DNA2: variants seen among roughly 807,000 people sequenced by gnomAD.
DNA2 encodes the protein DNA replication helicase/nuclease 2.
In DNA2, 101 loss-of-function variants were observed where a neutral mutation model predicts 119.1. The ratio of observed to expected loss-of-function variants is 0.85; its 90% confidence interval spans 0.72 to 1.00. The LOEUF (loss-of-function observed/expected upper bound fraction) is 1.00. Ranked by LOEUF, DNA2 falls within the 50% of genes least tolerant of loss-of-function variation. DNA2 has a pLI of 0.00. For synonymous variants in DNA2, 366 were observed against 424.4 expected (o/e 0.86, Z 1.69); for missense variants, 1,121 against 1,255.5 (o/e 0.89, Z 1.62).
chr10:68,419,100 G>A lies in DNA2; in HGVS notation c.2901C>T (p.Asp967=). 1 of 1,613,046 alleles carries A rather than the reference G, an allele frequency of 6.2e-7. No individual in the cohort carries two copies. Among genetic ancestry groups the A allele is most frequent in the African/African-American group, 1.3e-5 (1 of 74,952 alleles). ...SIGMVEVNTV[D]KYQGRDKSIV... is the part of the protein sequence containing the mutation. Reference sequence around the variant, plus strand: ...TACTTTTGTCCCTTCCTTGGTATTTGTCTACTGTATTAACTTCGACCATCC... The same window carrying A: ...TACTTTTGTCCCTTCCTTGGTATTTATCTACTGTATTAACTTCGACCATCC... Residue 967 remains aspartate (D), a synonymous_variant, in exon 19 of 21, where the codon GAC becomes GAT. Transcript: ENST00000358410.
chr10:68,462,045 T>C (rs928587074), intron 4 of DNA2, among the ~76,000 whole-genome samples: 2 of 152,336 alleles, frequency 1.3e-5, no homozygotes, highest in Non-Finnish European at 1.5e-5. Context: ...TAAAATGTTA[T>C]GTTAACAAGC....
chr10:68,460,903 CTG>C (rs199836886), intron 4 of DNA2, among the ~76,000 whole-genome samples: 75 of 136,200 alleles, frequency 5.5e-4, no homozygotes, highest in African/African-American at 2.3e-3. Flanking sequence ...GAGTGAGACC[CTG>C]TTTAAAAAAA....
chr10:68,428,198 G>C (rs959767033), intron 14 of DNA2, among the ~76,000 whole-genome samples: 1 of 151,132 alleles, frequency 6.6e-6, no homozygotes, highest in African/African-American at 2.4e-5. Flanking sequence ...GTGGTGGCAG[G>C]CGCCTGTAGT....
intron 4 of DNA2, among the ~76,000 whole-genome samples, chr10:68,463,821 T>C (rs2052292455): frequency 6.6e-6 from 1 of 152,210 alleles, no homozygotes; most frequent in Non-Finnish European, 1.5e-5. Context: ...AAGCTGTTAC[T>C]TTCCTAGGTT....
At position 68,464,854 on chromosome 10, in the gene DNA2, A is replaced by C. The variant is rs1386094857; in HGVS notation, c.587+813T>G. 6.3e-5 allele frequency among the ~76,000 whole-genome samples: 9 copies of C among 143,742 alleles called. No homozygotes were observed. The South Asian group carries it at 9.0e-4, about 14-fold the overall frequency. The allele number at this position is 143,742 out of a possible 152,430, so 94.3% of individuals were successfully genotyped here. A position where few individuals can be genotyped will look rare whatever the true frequency, so the allele number is the denominator to read the frequency against. ...CAAAAAAAAAAAAAAAAAAAAAAAA[A>C]AAAACTGGTAAGGCAGGCCAGCCAT... On this transcript the variant is annotated intron_variant, in intron 4 of 20. Coordinates refer to ENST00000358410, the MANE Select transcript of DNA2 (RefSeq NM_001080449.3).
At chr10:68,423,163 T>C (rs1389423163) in intron 14 of DNA2, among the ~76,000 whole-genome samples, 1 of 151,066 alleles carries the variant, frequency 6.6e-6, no homozygotes, top group African/African-American at 2.5e-5. Context: ...GGTAATAAGT[T>C]AGTTCTTTTT....
intron 4 of DNA2, among the ~76,000 whole-genome samples, chr10:68,463,337 G>A (rs1181833671): frequency 4.0e-5 from 6 of 149,708 alleles, no homozygotes; most frequent in Non-Finnish European, 8.9e-5. Context: ...CCAGCTACTC[G>A]GGAGGCTGAG....
intron 20 of DNA2, among the ~76,000 whole-genome samples, chr10:68,415,756 C>A (rs1203601911): frequency 6.6e-6 from 1 of 151,210 alleles, no homozygotes; most frequent in Non-Finnish European, 1.5e-5. Context: ...CGGGTGCAAG[C>A]GATTCTCCTG....
At chr10:68,460,035 ACAC>A (rs1464548040) in intron 4 of DNA2, among the ~76,000 whole-genome samples, 5 of 150,626 alleles carry the variant, frequency 3.3e-5, no homozygotes, top group African/African-American at 1.2e-4. Flanking sequence ...ACAAATACAC[ACAC>A]ACACACACAC....
At chr10:68,425,636 C>T (rs532752684) in intron 14 of DNA2, among the ~76,000 whole-genome samples, 5 of 151,918 alleles carry the variant, frequency 3.3e-5, no homozygotes, top group African/African-American at 7.2e-5. Context: ...CTCCTGACCT[C>T]GTGATCCGCC....
chr10:68,465,222 G>C (rs2052313271), intron 4 of DNA2, among the ~76,000 whole-genome samples: 1 of 128,986 alleles, frequency 7.8e-6, no homozygotes, highest in Non-Finnish European at 1.6e-5. Flanking sequence ...GTTTCACCAT[G>C]TTAGCCAGGA....
At chr10:68,448,980 T>TGTGTGTGTGC (rs1554907491) in intron 6 of DNA2, among the ~76,000 whole-genome samples, 4 of 142,116 alleles carry the variant, frequency 2.8e-5, no homozygotes, top group African/African-American at 6.0e-5. Flanking sequence ...TGTGTGTGTG[T>TGTGTGTGTGC]GTGTGTAGTA....
At chr10:68,433,902 A>G (rs956164478) in intron 10 of DNA2, among the ~76,000 whole-genome samples, 5 of 152,206 alleles carry the variant, frequency 3.3e-5, no homozygotes, top group Non-Finnish European at 1.5e-5. Context: ...TTTGCCCAGT[A>G]TAGTATTCTC....
chr10:68,461,689 A>G (rs1013782668), intron 4 of DNA2, among the ~76,000 whole-genome samples: 4 of 151,942 alleles, frequency 2.6e-5, no homozygotes, highest in South Asian at 2.1e-4. Context: ...TTAGCCAGGC[A>G]TGGTGGTGCA....
chr10:68,436,706 C>T (rs1482634599), intron 10 of DNA2: 7 of 208,536 alleles, frequency 3.4e-5, no homozygotes. Flanking sequence ...CCACATATTG[C>T]ATGATTCCAT....
At chr10:68,464,108 C>A (rs2052295752) in intron 4 of DNA2, among the ~76,000 whole-genome samples, 1 of 152,162 alleles carries the variant, frequency 6.6e-6, no homozygotes, top group African/African-American at 2.4e-5. Context: ...CAGGCAGTTT[C>A]CAGTTGATTA....
In DNA2 at chr10:68,456,950, C is replaced by T. The variant is rs185573559; in HGVS notation, c.719+2154G>A. Among the ~76,000 whole-genome samples, 937 of 151,436 alleles carry T rather than the reference C, an allele frequency of 6.2e-3. 12 individuals are homozygous for T. Among genetic ancestry groups the T allele is most frequent in the East Asian group, 0.047 (236 of 5,074 alleles). On this transcript the variant is annotated intron_variant, in intron 5 of 20. Coordinates refer to ENST00000358410, the MANE Select transcript of DNA2 (RefSeq NM_001080449.3). ...GAGATCGAGACCATCCTGGCTAACACGGTGAAACCCCGGCTCTACTAAAAA... is the reference window on the plus strand; with the variant it reads ...GAGATCGAGACCATCCTGGCTAACATGGTGAAACCCCGGCTCTACTAAAAA...
In DNA2 at chr10:68,448,968, CGTGTGTGTGTGT is replaced by C. The variant is rs59756256; in HGVS notation, c.939+1048_939+1059del. Among the ~76,000 whole-genome samples the C allele has an allele frequency of 7.3e-3, 796 of 109,622 alleles. 1 individual carries two copies. Among genetic ancestry groups the C allele is most frequent in the African/African-American group, 0.028 (758 of 27,508 alleles). The allele number at this position is 109,622 out of a possible 152,430, so 71.9% of individuals were successfully genotyped here. On this transcript the variant is annotated intron_variant, in intron 6 of 20. Coordinates refer to ENST00000358410, the MANE Select transcript of DNA2 (RefSeq NM_001080449.3). ...GTGTGTGTGTGTGTGTGTGTGTGTG[CGTGTGTGTGTGT>C]GTGTGTAGTAGTTTCACCATGTTGG...
intron 14 of DNA2, among the ~76,000 whole-genome samples, chr10:68,425,372 G>C (rs2051725704): frequency 6.7e-6 from 1 of 150,340 alleles, no homozygotes; most frequent in African/African-American, 2.4e-5. Flanking sequence ...GGGATTACAG[G>C]CATGAGCCAC....
Sources: allele counts gnomAD v4.1 joint callset (sites outside exome capture counted in the v4.1 genomes callset), GRCh38; gene constraint gnomAD v4.1.1; transcripts MANE v1.5; gene names NCBI Gene and HGNC (gene_info 2026-07-23, HGNC 2026-07-21).